Variants in DNAJC8 observed in about 807,000 individuals in gnomAD.
DNAJC8 encodes DnaJ heat shock protein family (Hsp40) member C8, also known as dnaJ homolog subfamily C member 8.
DNAJC8 carries 24 observed loss-of-function variants against 43.2 expected under a neutral mutation model. That is an observed-to-expected ratio of 0.56 (90% confidence interval 0.40 to 0.78). The LOEUF (loss-of-function observed/expected upper bound fraction) is 0.78. Ranked by LOEUF, DNAJC8 falls within the 30% of genes least tolerant of loss-of-function variation. The pLI is 0.00. For synonymous variants in DNAJC8, 83 were observed against 98.0 expected (o/e 0.85, Z 0.90); for missense variants, 207 against 299.4 (o/e 0.69, Z 2.28).
chr1:28,224,337 G>A (rs546550009), intron 2 of DNAJC8, among the ~76,000 whole-genome samples: 452 of 152,132 alleles, frequency 3.0e-3, no homozygotes, highest in Non-Finnish European at 5.5e-3. Context: ...GTGCAATCTC[G>A]GCTCACTGCA....
At chr1:28,210,166 C>A in intron 4 of DNAJC8, 100 bp from the exon 5 acceptor site, 1 of 957,006 alleles carries the variant, frequency 1.0e-6, no homozygotes. Context: ...CTAAAGCATT[C>A]CCTACTTTAA....
Position 28,200,786 on chromosome 1 carries a change from C to A in DNAJC8, c.*462G>T. On this transcript the variant is annotated 3_prime_UTR_variant, in exon 9 of 9. Transcript: ENST00000263697. The stretch of plus-strand genomic sequence containing the variant: ...CAAGTGTTCCCTGTCTTATCTGGGC[C>A]TTCGAAGGGAGCACACCCAGAAGCG... 4 of 404,042 alleles carry A rather than the reference C, an allele frequency of 9.9e-6. 1 individual carries two copies. The highest frequency in any genetic ancestry group is 7.2e-5 in the South Asian group (4 of 55,834). 25.0% of individuals were successfully genotyped at this position (404,042 alleles called of 1,614,324 possible).
chr1:28,216,477 A>C (rs1354215803), intron 2 of DNAJC8, among the ~76,000 whole-genome samples: 1 of 152,326 alleles, frequency 6.6e-6, no homozygotes, highest in South Asian at 2.1e-4. Flanking sequence ...ACCCTCACAA[A>C]AAAAGCCTCT....
chr1:28,213,613 T>C (rs1187309110), intron 3 of DNAJC8, among the ~76,000 whole-genome samples: 12 of 152,174 alleles, frequency 7.9e-5, no homozygotes, highest in South Asian at 2.1e-4. Context: ...TATTAAAATA[T>C]GAAGTACATA....
intron 2 of DNAJC8, among the ~76,000 whole-genome samples, chr1:28,219,128 CTGTG>C (rs1412946136): frequency 2.0e-5 from 3 of 152,134 alleles, no homozygotes; most frequent in Middle Eastern, 6.8e-3. Flanking sequence ...ATAAATTCTG[CTGTG>C]TGTATTTGGG....
chr1:28,225,918 G>A lies in DNAJC8; in HGVS notation c.180+3004C>T, dbSNP rs552020956. ...GGGGTTTCGCCATGTTGGCCAGGCT[G>A]GTCTCAAACTCCTGGCCTAAAGTGA... On this transcript the variant is annotated intron_variant, in intron 2 of 8. Coordinates refer to ENST00000263697, the MANE Select transcript of DNAJC8 (RefSeq NM_014280.3). 1.4e-4 allele frequency among the ~76,000 whole-genome samples: 21 copies of A among 150,286 alleles called. 1 individual carries two copies. The highest frequency in any genetic ancestry group is 2.8e-4 in the Non-Finnish European group (19 of 67,498).
intron 2 of DNAJC8, among the ~76,000 whole-genome samples, chr1:28,219,050 A>G (rs952483954): frequency 7.2e-5 from 11 of 152,214 alleles, no homozygotes; most frequent in Non-Finnish European, 1.3e-4. Context: ...AGCCTCTGAT[A>G]AGATTATAGC....
At chr1:28,230,252 C>G (rs1261810938) in intron 1 of DNAJC8, 2 of 152,120 alleles carry the variant, frequency 1.3e-5, no homozygotes, top group East Asian at 3.8e-4. Context: ...CATCTTTATT[C>G]CTATAGCCAA....
intron 2 of DNAJC8, among the ~76,000 whole-genome samples, chr1:28,223,895 AATCT>A (rs1646916071): frequency 6.6e-6 from 1 of 152,176 alleles, no homozygotes; most frequent in Admixed American, 6.5e-5. Context: ...AACAGCAATG[AATCT>A]ACCTAGCATT....
At chr1:28,230,668 T>C (rs1157239403) in intron 1 of DNAJC8, among the ~76,000 whole-genome samples, 1 of 152,216 alleles carries the variant, frequency 6.6e-6, no homozygotes, top group Non-Finnish European at 1.5e-5. Flanking sequence ...GGGGTCTTGC[T>C]CTGTCACCCA....
intron 2 of DNAJC8, among the ~76,000 whole-genome samples, chr1:28,215,409 C>T (rs1222100131): frequency 6.6e-6 from 1 of 152,088 alleles, no homozygotes; most frequent in East Asian, 1.9e-4. Context: ...ATTTACAAGG[C>T]CCAGTGGTTC....
At chr1:28,215,783 T>C (rs193271917) in intron 2 of DNAJC8, among the ~76,000 whole-genome samples, 7 of 152,112 alleles carry the variant, frequency 4.6e-5, no homozygotes, top group Admixed American at 1.3e-4. Flanking sequence ...GTGATCCGCC[T>C]GCCTCAGCCT....
At position 28,208,414 on chromosome 1, in the gene DNAJC8, C is replaced by T; in HGVS notation, c.400-1G>A. ...TTAATTGTTTTTTTCGCTCTTTCAC[C>T]TAAAAAGAATTTTTTTTCATCAAAA... On this transcript the variant is annotated splice_acceptor_variant, in intron 5 of 8. Transcript: ENST00000263697. LOFTEE classifies it high-confidence loss of function. The T allele has an allele frequency of 6.2e-7, 1 of 1,609,150 alleles. No individual in the cohort carries two copies. The highest frequency in any genetic ancestry group is 8.5e-7 in the Non-Finnish European group (1 of 1,176,916).
intron 2 of DNAJC8, among the ~76,000 whole-genome samples, chr1:28,225,420 G>A (rs1283319866): frequency 5.9e-5 from 9 of 151,262 alleles, no homozygotes; most frequent in Admixed American, 5.9e-4. Flanking sequence ...GAAAACAGAT[G>A]AACCTTGAAA....
intron 8 of DNAJC8, 36 bp from the exon 9 acceptor site, chr1:28,201,406 T>C (rs111458452): frequency 6.2e-7 from 1 of 1,612,718 alleles, no homozygotes; most frequent in African/African-American, 1.3e-5. Context: ...AGGAGACCAG[T>C]CAATGAGTGG....
Position 28,221,712 on chromosome 1 carries a change from T to A in DNAJC8, c.181-6716A>T, listed in dbSNP as rs1204096979. Among the ~76,000 whole-genome samples, 8 of 152,322 alleles carry A rather than the reference T, an allele frequency of 5.3e-5. No individual in the cohort carries two copies. In the Middle Eastern group the frequency reaches 0.01, roughly 194 times the overall value. ...GATAGAAAGAACATACCATAAATTCTTTATCATCTCTCCAGCAAATCATCT... is the reference window on the plus strand; with the variant it reads ...GATAGAAAGAACATACCATAAATTCATTATCATCTCTCCAGCAAATCATCT... On this transcript the variant is annotated intron_variant, in intron 2 of 8. Transcript: ENST00000263697.
chr1:28,203,753 G>C lies in DNAJC8; in HGVS notation c.633C>G (p.Asn211Lys). 1 of 1,614,068 alleles carries C rather than the reference G, an allele frequency of 6.2e-7. No individual in the cohort carries two copies. Among genetic ancestry groups the C allele is most frequent in the Non-Finnish European group, 8.5e-7 (1 of 1,179,996 alleles). The change falls in exon 8 of 9, where the codon AAC becomes AAG. Residue 211 changes from asparagine (N) to lysine (K), a missense_variant. Physicochemically the swap from Asn to Lys is moderately conservative, Grantham distance 94. Around this residue, in one of 2 missense-constraint regions of DNAJC8, gnomAD observed 159 missense variants for 267.5 expected, o/e 0.59. Coordinates refer to ENST00000263697, the MANE Select transcript of DNAJC8 (RefSeq NM_014280.3). Reference sequence around the variant, plus strand: ...GGCCACCTTGGAAATTTACCTCAAAGTTTTTCTGCCACTCTCTTTCCCGTT... The same window carrying C: ...GGCCACCTTGGAAATTTACCTCAAACTTTTTCTGCCACTCTCTTTCCCGTT... ...KAKREREWQK[N>K]FEESRDGRVD...
intron 1 of DNAJC8, among the ~76,000 whole-genome samples, chr1:28,230,675 C>G (rs184080094): frequency 1.5e-4 from 23 of 152,308 alleles, no homozygotes; most frequent in Non-Finnish European, 5.9e-5. Flanking sequence ...TGCTCTGTCA[C>G]CCAGGGTGTA....
At chr1:28,221,561 C>A (rs1646898600) in intron 2 of DNAJC8, among the ~76,000 whole-genome samples, 1 of 152,144 alleles carries the variant, frequency 6.6e-6, no homozygotes, top group East Asian at 1.9e-4. Context: ...CACACTGATG[C>A]CCAACAATCT....
Sources: allele counts gnomAD v4.1 joint callset (sites outside exome capture counted in the v4.1 genomes callset), GRCh38; gene constraint gnomAD v4.1.1; regional missense constraint gnomAD v4.1.1; transcripts MANE v1.5; gene names NCBI Gene and HGNC (gene_info 2026-07-23, HGNC 2026-07-21).